The following CLK4 variants were observed in gnomAD, a reference collection of about 807,000 sequenced individuals.
The protein encoded by CLK4 is dual specificity protein kinase CLK4.
Under a neutral mutation model 64.4 loss-of-function variants are expected in CLK4, and 37 were observed. The ratio of observed to expected loss-of-function variants is 0.57; its 90% CI spans 0.44 to 0.76. The LOEUF is 0.76. Among genes scored for constraint, CLK4 ranks in the 30% least tolerant of loss-of-function variants. The pLI is 0.00. For missense variants in CLK4, 457 were observed against 605.1 expected (o/e 0.76, Z 2.57); for synonymous variants, 175 against 191.6 (o/e 0.91, Z 0.72).
intron 1 of CLK4, among the ~76,000 whole-genome samples, chr5:178,626,440 C>T (rs1249996273): frequency 1.3e-5 from 2 of 152,234 alleles, no homozygotes; most frequent in Non-Finnish European, 2.9e-5. Flanking sequence ...CACGGACGCC[C>T]GGTCCCCACC....
chr5:178,616,149 G>A (rs938171612), intron 5 of CLK4, among the ~76,000 whole-genome samples: 1 of 151,904 alleles, frequency 6.6e-6, no homozygotes, highest in Non-Finnish European at 1.5e-5. Flanking sequence ...GAGTGCAATG[G>A]CACAATCTTG....
At chr5:178,607,149 ATC>A (rs1764479200) in intron 10 of CLK4, among the ~76,000 whole-genome samples, 1 of 151,714 alleles carries the variant, frequency 6.6e-6, no homozygotes, top group South Asian at 2.1e-4. Flanking sequence ...AGGAGGGATA[ATC>A]TCTAAATAAG....
intron 2 of CLK4, chr5:178,620,683 A>AT: frequency 2.5e-6 from 1 of 395,970 alleles, no homozygotes; most frequent in Non-Finnish European, 5.0e-6. Flanking sequence ...CCTGTGGGAG[A>AT]TAAAAAAAAA....
At chr5:178,618,830 T>G in intron 2 of CLK4, 52 bp from the exon 3 acceptor site, 1 of 1,430,462 alleles carries the variant, frequency 7.0e-7, no homozygotes, top group Non-Finnish European at 9.6e-7. Flanking sequence ...TGCAATAATG[T>G]GGTTCAAACA....
chr5:178,612,866 T>A lies in CLK4; in HGVS notation c.851A>T (p.His284Leu). The change falls in exon 8 of 13, where the codon CAT becomes CTT. Residue 284 changes from histidine to leucine, a missense_variant. By Grantham distance (99) the His-to-Leu change is moderately conservative. Coordinates refer to ENST00000316308, the MANE Select transcript of CLK4 (RefSeq NM_020666.3). ...AATATTTTCAGGCTTCAGATCTGTA[T>A]GGGTTAATTTATTATGATGTAAAAC... ...INFLHHNKLT[H>L]TDLKPENILF... 6.4e-7 allele frequency: 1 copy of A among 1,554,576 alleles called. No homozygotes were observed.
chr5:178,623,164 A>G lies in CLK4; in HGVS notation c.161+92T>C, dbSNP rs1425123561. 4.9e-6 allele frequency: 6 copies of G among 1,233,566 alleles called. No individual in the cohort carries two copies. In the African/African-American group the frequency reaches 9.2e-5, roughly 19 times the overall value. 76.4% of individuals were successfully genotyped at this position (1,233,566 alleles called of 1,614,324 possible). The stretch of plus-strand genomic sequence containing the variant: ...ACGAATATTTGTTGACTGAATTATA[A>G]AACAATTTGACAGATGAAAGCTATA... On this transcript the variant is annotated intron_variant, in intron 2 of 12. Coordinates refer to ENST00000316308, the MANE Select transcript of CLK4 (RefSeq NM_020666.3).
At chr5:178,605,266 C>A in intron 11 of CLK4, 37 bp downstream of exon 11, 1 of 1,281,330 alleles carries the variant, frequency 7.8e-7, no homozygotes. Flanking sequence ...TATGCTATTG[C>A]ACATATCCAA....
intron 7 of CLK4, 103 bp downstream of exon 7, chr5:178,613,370 G>A (rs1363280102): frequency 2.0e-5 from 15 of 767,102 alleles, no homozygotes; most frequent in East Asian, 1.1e-4. Context: ...GCTGGGACCC[G>A]AGAGCGCCAC....
rs56336368 is a variant in CLK4, at chr5:178,612,429, G to A, written c.1038C>T (p.Pro346=). ...TLVSTRHYRA[P]EVILALGWSQ... is the part of the protein sequence containing the mutation. ...GTGTCTACTGACCCAAAATGACCTC[G>A]GGAGCTCTGTAGTGCCGGGTAGACA... The change falls in exon 9 of 13, where the codon CCC becomes CCT. Residue 346 remains proline, a synonymous_variant. Transcript: ENST00000316308. The A allele has an allele frequency of 5.1e-4, 818 of 1,610,974 alleles. 1 individual carries two copies. Among genetic ancestry groups the A allele is most frequent in the Non-Finnish European group, 4.0e-4 (477 of 1,178,332 alleles).
In CLK4 at chr5:178,624,596, CTTAA is replaced by C. The variant is rs1161007001; in HGVS notation, c.1-1184_1-1181del. ...ATAACCCCTATCTGTCTCTCCCCAT[CTTAA>C]TTATTTTCCAAAACAGTTAAGTTTT... On this transcript the variant is annotated intron_variant, in intron 1 of 12. Transcript: ENST00000316308. Among the ~76,000 whole-genome samples the C allele has an allele frequency of 4.6e-5, 7 of 152,184 alleles. No individual in the cohort carries two copies. The East Asian group carries it at 1.3e-3, about 29-fold the overall frequency.
chr5:178,623,543 T>C (rs1188270391), intron 1 of CLK4, 127 bp from the exon 2 acceptor site: 4 of 681,704 alleles, frequency 5.9e-6, no homozygotes, highest in Middle Eastern at 4.2e-4. Context: ...AAAATCTTTT[T>C]AGGTGGTAAT....
intron 1 of CLK4, among the ~76,000 whole-genome samples, 172 bp from the exon 2 acceptor site, chr5:178,623,588 A>G (rs1764739603): frequency 6.6e-6 from 1 of 152,098 alleles, no homozygotes; most frequent in Admixed American, 6.6e-5. Context: ...GATGACTGCT[A>G]AGAGGCATAG....
intron 7 of CLK4, 105 bp from the exon 8 acceptor site, chr5:178,612,995 TCTTTA>T (rs1430757985): frequency 3.7e-6 from 2 of 533,538 alleles, no homozygotes; most frequent in Non-Finnish European, 6.8e-6. Flanking sequence ...AGACGATTCA[TCTTTA>T]CTTGTAAAAT....
In CLK4 at chr5:178,602,922, T is replaced by C. The variant is rs564967136; in HGVS notation, c.*695A>G. ...TCATCAGAATTTCTATTTTTATATC[T>C]GTGACTCACCAAACATACTTGGAAA... On this transcript the variant is annotated 3_prime_UTR_variant, in exon 13 of 13. Coordinates refer to ENST00000316308, the MANE Select transcript of CLK4 (RefSeq NM_020666.3). 1.2e-4 allele frequency: 18 copies of C among 152,356 alleles called. No homozygotes were observed. The highest frequency in any genetic ancestry group is 4.3e-4 in the African/African-American group (18 of 41,584). The allele number at this position is 152,356 out of a possible 1,614,324, so 9.4% of individuals were successfully genotyped here.
At chr5:178,605,048 T>C (rs571907510) in intron 11 of CLK4, 1 of 200,666 alleles carries the variant, frequency 5.0e-6, no homozygotes, top group African/African-American at 2.4e-5. Flanking sequence ...AAGAATCACT[T>C]GAACCCAGGA....
chr5:178,609,990 C>T (rs542951184), intron 9 of CLK4, among the ~76,000 whole-genome samples: 63 of 151,980 alleles, frequency 4.1e-4, no homozygotes, highest in African/African-American at 1.4e-3. Flanking sequence ...GCTTGGACCT[C>T]ATAAAAGTTT....
intron 10 of CLK4, chr5:178,605,925 CAT>C (rs1764461120): frequency 6.6e-6 from 1 of 152,202 alleles, no homozygotes; most frequent in African/African-American, 2.4e-5. Flanking sequence ...GTCCCTATTG[CAT>C]ACTCTTCTTC....
At chr5:178,618,831 G>T in intron 2 of CLK4, 53 bp from the exon 3 acceptor site, 1 of 1,414,636 alleles carries the variant, frequency 7.1e-7, no homozygotes, top group Non-Finnish European at 9.7e-7. Flanking sequence ...GCAATAATGT[G>T]GTTCAAACAA....
chr5:178,626,231 G>A (rs1764777611), intron 1 of CLK4, among the ~76,000 whole-genome samples: 1 of 152,192 alleles, frequency 6.6e-6, no homozygotes. Context: ...AGTGGCTGGC[G>A]AGTTCAGTTT....
Sources: allele counts gnomAD v4.1 joint callset (sites outside exome capture counted in the v4.1 genomes callset), GRCh38; gene constraint gnomAD v4.1.1; transcripts MANE v1.5; gene names NCBI Gene and HGNC (gene_info 2026-07-23, HGNC 2026-07-21).